Variants in BZW1 observed in about 807,000 individuals in gnomAD.
BZW1 encodes basic leucine zipper and W2 domains 1.
In BZW1, 3 loss-of-function variants were observed where a neutral mutation model predicts 54.1. The observed-to-expected ratio is 0.06, with a 90% CI of 0.03 to 0.14. The LOEUF is 0.14. BZW1 is among the 10% of genes least tolerant of loss of function. The pLI is 1.00. For synonymous variants in BZW1, 152 were observed against 162.7 expected (o/e 0.93, Z 0.50); for missense variants, 206 against 491.7 (o/e 0.42, Z 5.50).
rs887872848 is a variant in BZW1 at position 200,812,281 on chromosome 2, C to T, written c.-11+291C>T. ...TCTGGGCCGTGCCCGGCCTGGCTAA[C>T]AAAGCCGCCGCGGCCTCTGTTGTGT... On this transcript the variant is annotated intron_variant, in intron 1 of 11. Transcript: ENST00000409600. 1.2e-5 allele frequency: 15 copies of T among 1,232,380 alleles called. No individual in the cohort carries two copies. The African/African-American group carries it at 2.0e-4, about 17-fold the overall frequency. 76.3% of individuals were successfully genotyped at this position (1,232,380 alleles called of 1,614,324 possible).
intron 11 of BZW1, among the ~76,000 whole-genome samples, chr2:200,821,871 G>T (rs1347729368): frequency 1.3e-5 from 2 of 152,176 alleles, no homozygotes; most frequent in African/African-American, 4.8e-5. Flanking sequence ...AGGAGTATGA[G>T]GCCAGCCTGG....
At chr2:200,821,935 G>T (rs2038534378) in intron 11 of BZW1, among the ~76,000 whole-genome samples, 1 of 152,090 alleles carries the variant, frequency 6.6e-6, no homozygotes, top group Non-Finnish European at 1.5e-5. Context: ...CAGTTTTGGT[G>T]GTGGGCGCCT....
At chr2:200,819,050 A>G (rs752998519) in intron 9 of BZW1, 149 bp downstream of exon 9, 13 of 895,140 alleles carry the variant, frequency 1.5e-5, no homozygotes, top group Admixed American at 3.6e-5. Context: ...AACATTAGCT[A>G]TTGATGATAA....
At position 200,817,087 on chromosome 2, in the gene BZW1, A is replaced by G. The variant is rs953962224; in HGVS notation, c.403-19A>G. On this transcript the variant is annotated intron_variant, in intron 5 of 11. Transcript: ENST00000409600. ...AATGCAGTTGCTGTTTTAACCCTTA[A>G]TTGTTTTACTTTTTACAGCTGCTGC... The G allele has an allele frequency of 3.7e-6, 6 of 1,611,712 alleles. No homozygotes were observed. Among genetic ancestry groups the G allele is most frequent in the African/African-American group, 2.7e-5 (2 of 74,798 alleles).
chr2:200,812,235 C>T (rs1382313871), intron 1 of BZW1: 23 of 1,228,940 alleles, frequency 1.9e-5, no homozygotes, highest in African/African-American at 4.7e-5. Context: ...GCTGCGAAGG[C>T]AGTGGCCGAG....
In BZW1 at chr2:200,824,514, C is replaced by G. The variant is rs1221902076; in HGVS notation, c.*2336C>G. On this transcript the variant is annotated 3_prime_UTR_variant, in exon 12 of 12. Transcript: ENST00000409600. The stretch of plus-strand genomic sequence containing the variant: ...TCTATATATAGATGTTTATTCCATT[C>G]TTATTTAAAAAAAAAAACCTCCATA... The G allele has an allele frequency of 6.7e-6, 1 of 149,916 alleles. No homozygotes were observed. Among genetic ancestry groups the G allele is most frequent in the Non-Finnish European group, 1.5e-5 (1 of 67,580 alleles). The allele number at this position is 149,916 out of a possible 1,614,324, so 9.3% of individuals were successfully genotyped here.
intron 1 of BZW1, chr2:200,812,533 C>T: frequency 1.4e-6 from 2 of 1,394,196 alleles, no homozygotes. Context: ...CGGCGCCCCG[C>T]TGTGGCCGAT....
chr2:200,812,752 CG>C, intron 1 of BZW1: 1 of 722,976 alleles, frequency 1.4e-6, no homozygotes, highest in Non-Finnish European at 2.5e-6. Flanking sequence ...TGGTGCTGCC[CG>C]TAACCAGGCT....
rs556129316 is a variant in BZW1 at position 200,812,874 on chromosome 2, G to A, written c.-10-334G>A. 6.4e-5 allele frequency: 42 copies of A among 654,592 alleles called. 1 individual carries two copies. Among genetic ancestry groups the A allele is most frequent in the South Asian group, 5.4e-4 (36 of 66,206 alleles). 40.5% of individuals were successfully genotyped at this position (654,592 alleles called of 1,614,324 possible). On this transcript the variant is annotated intron_variant, in intron 1 of 11. Transcript: ENST00000409600. ...TCTTTGCGTTCTGCGATGCTTAGTGGTCGTGGAAGATGTAAGTGAATGTAA... is the reference window on the plus strand; with the variant it reads ...TCTTTGCGTTCTGCGATGCTTAGTGATCGTGGAAGATGTAAGTGAATGTAA...
At chr2:200,812,540 C>G (rs2038113190) in intron 1 of BZW1, 1 of 1,396,920 alleles carries the variant, frequency 7.2e-7, no homozygotes, top group South Asian at 1.7e-5. Context: ...CCGCTGTGGC[C>G]GATGGGGTCC....
chr2:200,824,264 T>C lies in BZW1; in HGVS notation c.*2086T>C, dbSNP rs765866684. On this transcript the variant is annotated 3_prime_UTR_variant, in exon 12 of 12. Coordinates refer to ENST00000409600, the MANE Select transcript of BZW1 (RefSeq NM_001207067.2). ...TCCATTCCATATAAAAAGATTCCATTCTGAATCTTAAGTGGTAATTTTAGA... is the reference window on the plus strand; with the variant it reads ...TCCATTCCATATAAAAAGATTCCATCCTGAATCTTAAGTGGTAATTTTAGA... 2.0e-5 allele frequency: 3 copies of C among 152,174 alleles called. No homozygotes were observed. Among genetic ancestry groups the C allele is most frequent in the Non-Finnish European group, 2.9e-5 (2 of 68,004 alleles). The allele number at this position is 152,174 out of a possible 1,614,324, so 9.4% of individuals were successfully genotyped here.
chr2:200,821,111 A>T, intron 10 of BZW1, 72 bp from the exon 11 acceptor site: 1 of 1,540,000 alleles, frequency 6.5e-7, no homozygotes, highest in African/African-American at 1.4e-5. Flanking sequence ...AGGCATTTGC[A>T]CATTAGGTGG....
In BZW1 at chr2:200,826,307, TATC is replaced by T. The variant is rs963825713; in HGVS notation, c.*4133_*4135del. On this transcript the variant is annotated 3_prime_UTR_variant, in exon 12 of 12. Coordinates refer to ENST00000409600, the MANE Select transcript of BZW1 (RefSeq NM_001207067.2). ...AATTATTTTTATTTTCCAGTGTACT[TATC>T]ATCCTTTCATCTTTATGCTAGGAGT... 2 of 152,006 alleles carry T rather than the reference TATC, an allele frequency of 1.3e-5. No homozygotes were observed. Among genetic ancestry groups the T allele is most frequent in the East Asian group, 1.9e-4 (1 of 5,176 alleles). The allele number at this position is 152,006 out of a possible 1,614,324, so 9.4% of individuals were successfully genotyped here.
intron 10 of BZW1, 125 bp downstream of exon 10, chr2:200,820,245 CCT>C: frequency 3.4e-6 from 3 of 870,178 alleles, no homozygotes; most frequent in Non-Finnish European, 5.1e-6. Flanking sequence ...TTATGAGTCA[CCT>C]CTGATTAAAT....
At chr2:200,820,828 A>G (rs749892048) in intron 10 of BZW1, among the ~76,000 whole-genome samples, 2 of 152,206 alleles carry the variant, frequency 1.3e-5, no homozygotes, top group Non-Finnish European at 2.9e-5. Flanking sequence ...TAGTCCTTCA[A>G]GACCAGTTCA....
At chr2:200,818,198 T>G in intron 7 of BZW1, 25 bp from the exon 8 acceptor site, 1 of 1,538,378 alleles carries the variant, frequency 6.5e-7, no homozygotes, top group Middle Eastern at 1.7e-4. Flanking sequence ...TAAAGAAAGT[T>G]TAACCAGATA....
chr2:200,818,492 A>G, intron 8 of BZW1, 99 bp downstream of exon 8: 1 of 1,363,336 alleles, frequency 7.3e-7, no homozygotes, highest in Non-Finnish European at 1.0e-6. Flanking sequence ...GATTGAGTTA[A>G]TAGTAACAGG....
chr2:200,815,945 A>G (rs1201311081), intron 4 of BZW1, among the ~76,000 whole-genome samples, 184 bp downstream of exon 4: 1 of 152,246 alleles, frequency 6.6e-6, no homozygotes, highest in Non-Finnish European at 1.5e-5. Context: ...CGAACAAAAT[A>G]GGGAAAAATG....
intron 4 of BZW1, among the ~76,000 whole-genome samples, chr2:200,816,018 TG>T (rs2038273113): frequency 6.6e-6 from 1 of 152,248 alleles, no homozygotes; most frequent in African/African-American, 2.4e-5. Context: ...AATGTCAAGC[TG>T]GAAAAGTCAG....
Sources: gnomAD v4.1 joint callset for allele counts (sites outside exome capture counted in the v4.1 genomes callset) on GRCh38, gnomAD v4.1.1 for gene constraint, MANE v1.5 for transcripts, NCBI Gene and HGNC (gene_info 2026-07-23, HGNC 2026-07-21) for gene names.